Variants in EPHA3 observed in about 807,000 individuals in gnomAD.
EPHA3 encodes ephrin type-A receptor 3.
EPHA3 carries 42 observed loss-of-function variants against 107.1 expected under a neutral mutation model. The ratio of observed to expected loss-of-function variants is 0.39; its 90% CI spans 0.31 to 0.51. EPHA3 has a LOEUF of 0.51. Ranked by LOEUF, EPHA3 falls within the 20% of genes least tolerant of loss-of-function variation. The pLI is 0.78. For missense variants in EPHA3, 1,183 were observed against 1,211.2 expected (o/e 0.98, Z 0.35); for synonymous variants, 461 against 424.8 (o/e 1.09, Z -1.05).
chr3:89,281,488 A>G (rs1705947273), intron 3 of EPHA3, among the ~76,000 whole-genome samples: 1 of 152,182 alleles, frequency 6.6e-6, no homozygotes, highest in Non-Finnish European at 1.5e-5. Context: ...TTTCTCCATT[A>G]TTGATACTGT....
At chr3:89,426,232 T>A (rs184102419) in intron 11 of EPHA3, among the ~76,000 whole-genome samples, 1 of 151,860 alleles carries the variant, frequency 6.6e-6, no homozygotes, top group East Asian at 1.9e-4. Context: ...ATACATGGCA[T>A]AATGCGCAGA....
At chr3:89,281,625 T>C (rs1319092674) in intron 3 of EPHA3, among the ~76,000 whole-genome samples, 1 of 152,210 alleles carries the variant, frequency 6.6e-6, no homozygotes, top group Non-Finnish European at 1.5e-5. Flanking sequence ...GCAATGCAAA[T>C]ATTAAAATAA....
At chr3:89,204,594 A>G (rs1462432975) in intron 2 of EPHA3, among the ~76,000 whole-genome samples, 4 of 119,958 alleles carry the variant, frequency 3.3e-5, no homozygotes, top group Non-Finnish European at 1.8e-5. Context: ...TTAGAAATAT[A>G]TATCTGTGTG....
chr3:89,279,588 T>A (rs1705891649), intron 3 of EPHA3, among the ~76,000 whole-genome samples: 1 of 152,180 alleles, frequency 6.6e-6, no homozygotes, highest in Non-Finnish European at 1.5e-5. Flanking sequence ...AGTTTATTTT[T>A]AATGTAAAAC....
Position 89,115,928 on chromosome 3 carries a change from C to T in EPHA3, c.88+8092C>T, listed in dbSNP as rs546229063. On this transcript the variant is annotated intron_variant, in intron 1 of 16. Coordinates refer to ENST00000336596, the MANE Select transcript of EPHA3 (RefSeq NM_005233.6). Reference sequence around the variant, plus strand: ...CTCAACCTTAATCCCAGTGACTGTACTAATTTGTCTTCTGACTTTGCAAGG... The same window carrying T: ...CTCAACCTTAATCCCAGTGACTGTATTAATTTGTCTTCTGACTTTGCAAGG... Among the ~76,000 whole-genome samples the T allele has an allele frequency of 2.0e-5, 3 of 152,276 alleles. No individual in the cohort carries two copies. The South Asian group carries it at 6.2e-4, about 32-fold the overall frequency.
At chr3:89,458,408 A>G (rs1055154594) in intron 15 of EPHA3, among the ~76,000 whole-genome samples, 25 of 152,172 alleles carry the variant, frequency 1.6e-4, no homozygotes, top group African/African-American at 5.6e-4. Context: ...CCACAGTGCA[A>G]GGCATTTCCA....
intron 3 of EPHA3, among the ~76,000 whole-genome samples, chr3:89,272,008 T>C (rs1705680765): frequency 6.6e-6 from 1 of 152,022 alleles, no homozygotes. Flanking sequence ...TATTTTTTCT[T>C]CCTTATGATT....
At chr3:89,399,592 T>C (rs1429229277) in intron 7 of EPHA3, 112 bp downstream of exon 7, 2 of 1,479,968 alleles carry the variant, frequency 1.4e-6, no homozygotes, top group Non-Finnish European at 9.0e-7. Flanking sequence ...ACATTTAAGG[T>C]ATATTGCTTG....
intron 3 of EPHA3, among the ~76,000 whole-genome samples, chr3:89,212,875 A>G (rs1165548464): frequency 1.3e-5 from 2 of 151,958 alleles, no homozygotes; most frequent in Non-Finnish European, 2.9e-5. Context: ...CTTCTTTTAC[A>G]TTAGCAGCTA....
intron 3 of EPHA3, among the ~76,000 whole-genome samples, chr3:89,229,510 A>C (rs1704577758): frequency 6.6e-6 from 1 of 151,358 alleles, no homozygotes; most frequent in African/African-American, 2.4e-5. Context: ...ATTTCTAATA[A>C]AAATTTTATT....
chr3:89,307,543 T>C (rs1706653475), intron 3 of EPHA3, among the ~76,000 whole-genome samples: 2 of 152,270 alleles, frequency 1.3e-5, no homozygotes, highest in African/African-American at 2.4e-5. Flanking sequence ...ACAGTGCTAA[T>C]GTTTGTTGGA....
chr3:89,249,878 T>C (rs1705120755), intron 3 of EPHA3, among the ~76,000 whole-genome samples: 1 of 152,218 alleles, frequency 6.6e-6, no homozygotes, highest in Non-Finnish European at 1.5e-5. Flanking sequence ...CATTTCTTAC[T>C]ATAACAACCA....
intron 3 of EPHA3, among the ~76,000 whole-genome samples, chr3:89,276,142 C>T (rs1424678824): frequency 1.3e-5 from 2 of 152,012 alleles, no homozygotes; most frequent in African/African-American, 4.8e-5. Context: ...TGTCCATACT[C>T]TCAAATCATA....
At chr3:89,183,969 T>A (rs1705502563) in intron 2 of EPHA3, among the ~76,000 whole-genome samples, 1 of 152,044 alleles carries the variant, frequency 6.6e-6, no homozygotes, top group Non-Finnish European at 1.5e-5. Flanking sequence ...ATTCTATGAC[T>A]ATAAAAATTT....
At chr3:89,383,679 C>G (rs918489413) in intron 5 of EPHA3, among the ~76,000 whole-genome samples, 2 of 119,372 alleles carry the variant, frequency 1.7e-5, no homozygotes, top group Non-Finnish European at 3.3e-5. Context: ...GACGGAGTCT[C>G]ACTCTGTAGC....
intron 2 of EPHA3, among the ~76,000 whole-genome samples, chr3:89,164,966 T>C (rs1347295840): frequency 6.6e-6 from 1 of 152,222 alleles, no homozygotes; most frequent in Admixed American, 6.5e-5. Context: ...AATGCAGCAT[T>C]GCTGAGTCAG....
chr3:89,121,762 A>T (rs919963368), intron 1 of EPHA3, among the ~76,000 whole-genome samples: 1 of 152,128 alleles, frequency 6.6e-6, no homozygotes, highest in African/African-American at 2.4e-5. Flanking sequence ...TCTCAAAAAA[A>T]AAAAAAAAAT....
At chr3:89,416,502 T>G (rs1028540150) in intron 10 of EPHA3, among the ~76,000 whole-genome samples, 1 of 151,410 alleles carries the variant, frequency 6.6e-6, no homozygotes, top group Non-Finnish European at 1.5e-5. Context: ...TGAGATACAA[T>G]TTACCAACCA....
chr3:89,413,683 C>G (rs1186104733), intron 10 of EPHA3, among the ~76,000 whole-genome samples: 1 of 151,876 alleles, frequency 6.6e-6, no homozygotes, highest in Admixed American at 6.6e-5. Flanking sequence ...TATCATGACT[C>G]ATCTTACATA....
Sources: allele counts gnomAD v4.1 joint callset (sites outside exome capture counted in the v4.1 genomes callset), GRCh38; gene constraint gnomAD v4.1.1; transcripts MANE v1.5; gene names NCBI Gene and HGNC (gene_info 2026-07-23, HGNC 2026-07-21).